The following CELF2 variants were observed in gnomAD, a reference collection of about 807,000 sequenced individuals.
The protein encoded by CELF2 is CUG triplet repeat RNA-binding protein 2.
In CELF2, 8 loss-of-function variants were observed where a neutral mutation model predicts 62.6. The observed-to-expected ratio is 0.13, with a 90% confidence interval of 0.07 to 0.23. CELF2 has a LOEUF of 0.23. Ranked by LOEUF, CELF2 falls within the 10% of genes least tolerant of loss-of-function variation. The pLI, the probability that CELF2 is intolerant of heterozygous loss-of-function variation, is 1.00. For synonymous variants in CELF2, 258 were observed against 250.0 expected, an observed-to-expected ratio of 1.03 and a Z score of -0.30; for missense variants, 333 against 671.0, an observed-to-expected ratio of 0.50 and a Z score of 5.56.
chr10:10,503,703 T>C, the CELF2 span, among the ~76,000 whole-genome samples: 1 of 152,026 alleles, frequency 6.6e-6, no homozygotes. Context: ...TTTAGATCAT[T>C]TACATTTAAT....
At chr10:11,133,304 T>A (rs2131922760) in intron 1 of CELF2, among the ~76,000 whole-genome samples, 1 of 152,330 alleles carries the variant, frequency 6.6e-6, no homozygotes, top group East Asian at 1.9e-4. Flanking sequence ...TACTTTAGAA[T>A]GGAATTCTTT....
At chr10:10,797,117 T>C (rs564134249), upstream of CELF2, among the ~76,000 whole-genome samples, 33 of 152,272 alleles carry the variant, frequency 2.2e-4, no homozygotes, top group Non-Finnish European at 4.3e-4. Context: ...TGGCAAAAAC[T>C]TCCTGACAGT....
chr10:10,467,713 T>G, the CELF2 span, among the ~76,000 whole-genome samples: 1 of 152,192 alleles, frequency 6.6e-6, no homozygotes, highest in South Asian at 2.1e-4. Flanking sequence ...AATTTTTCTG[T>G]TGTTCCTCAT....
chr10:10,881,072 A>G (rs1422371905), intron 1 of CELF2, among the ~76,000 whole-genome samples: 2 of 152,196 alleles, frequency 1.3e-5, no homozygotes, highest in Non-Finnish European at 2.9e-5. Context: ...ACTGTTTAAC[A>G]TGCATGTTTA....
chr10:10,655,006 G>A, the CELF2 span, among the ~76,000 whole-genome samples: 112 of 146,348 alleles, frequency 7.7e-4, no homozygotes, highest in Admixed American at 1.6e-3. Context: ...AAGCTGATAA[G>A]CAACTTCAGC....
At chr10:10,647,148 C>T in the CELF2 span, among the ~76,000 whole-genome samples, 66 of 152,276 alleles carry the variant, frequency 4.3e-4, no homozygotes, top group Middle Eastern at 0.01. Flanking sequence ...CACAGCCTAG[C>T]CCTTGCCCCT....
chr10:10,667,273 A>G, the CELF2 span, among the ~76,000 whole-genome samples: 1 of 152,206 alleles, frequency 6.6e-6, no homozygotes, highest in African/African-American at 2.4e-5. Context: ...TTTGGGGTCA[A>G]CTTTCTATTT....
At chr10:10,966,330 T>C (rs973996747) in intron 2 of CELF2, among the ~76,000 whole-genome samples, 3 of 152,234 alleles carry the variant, frequency 2.0e-5, no homozygotes, top group South Asian at 4.1e-4. Context: ...ATGAGTGTGG[T>C]ACAGTGGAGC....
the CELF2 span, among the ~76,000 whole-genome samples, chr10:10,526,873 C>T: frequency 6.6e-6 from 1 of 152,198 alleles, no homozygotes; most frequent in Non-Finnish European, 1.5e-5. Flanking sequence ...CCACTCAGAG[C>T]TGGACTTCTG....
At chr10:10,768,114 T>C in the CELF2 span, among the ~76,000 whole-genome samples, 29 of 143,416 alleles carry the variant, frequency 2.0e-4, no homozygotes, top group African/African-American at 7.1e-4. Flanking sequence ...TGCCATGAGC[T>C]GAGACCACGC....
chr10:11,234,391 T>A (rs1330418170), intron 3 of CELF2, among the ~76,000 whole-genome samples: 1 of 152,118 alleles, frequency 6.6e-6, no homozygotes, highest in Admixed American at 6.5e-5. Context: ...ATAAAAAAAA[T>A]TCAAGTTCTG....
At chr10:11,014,667 T>A (rs2056985656), upstream of CELF2, among the ~76,000 whole-genome samples, 1 of 152,118 alleles carries the variant, frequency 6.6e-6, no homozygotes, top group Non-Finnish European at 1.5e-5. Context: ...CTCAATGACC[T>A]GTGGACAAAA....
chr10:10,835,400 T>C (rs2058201331), intron 1 of CELF2, among the ~76,000 whole-genome samples: 1 of 142,834 alleles, frequency 7.0e-6, no homozygotes, highest in South Asian at 2.2e-4. Context: ...TTTTTTTTTC[T>C]GATATGAAGT....
the CELF2 span, among the ~76,000 whole-genome samples, chr10:10,630,306 G>A: frequency 1.1e-3 from 166 of 152,264 alleles, no homozygotes; most frequent in African/African-American, 3.8e-3. Context: ...TGTGAAGACC[G>A]TCCAACAGTC....
the CELF2 span, among the ~76,000 whole-genome samples, chr10:10,726,588 C>T: frequency 3.9e-5 from 6 of 152,256 alleles, no homozygotes; most frequent in East Asian, 1.2e-3. Flanking sequence ...TGTTTGGCTG[C>T]ACTGAACAGG....
At chr10:10,690,432 A>T in the CELF2 span, among the ~76,000 whole-genome samples, 15 of 152,342 alleles carry the variant, frequency 9.8e-5, no homozygotes, top group African/African-American at 3.1e-4. Context: ...GCACACACAT[A>T]GATTAAAATA....
At chr10:11,194,867 C>G (rs1194697901) in intron 2 of CELF2, among the ~76,000 whole-genome samples, 1 of 152,130 alleles carries the variant, frequency 6.6e-6, no homozygotes, top group East Asian at 1.9e-4. Flanking sequence ...TTTTATAGTA[C>G]CATCTGGGTT....
rs2074923317 is a variant in CELF2, at chr10:11,244,250, G to A, written c.355-4903G>A. 6.6e-6 allele frequency among the ~76,000 whole-genome samples: 1 copy of A among 152,266 alleles called. No homozygotes were observed. The highest frequency in any genetic ancestry group is 6.5e-5 in the Admixed American group (1 of 15,290). On this transcript the variant is annotated intron_variant, in intron 3 of 12. Transcript: ENST00000633077. This position sits in a 1 kb window ranked among gnomAD's most constrained non-coding sequence, Gnocchi z 4.2. ...CCTAGGGAAGATTTCATTCAGGAGT[G>A]AGTAGATGGGCATTGTTTCTTTTTA...
chr10:10,989,989 T>G (rs1056237464), intron 2 of CELF2, among the ~76,000 whole-genome samples: 2 of 152,132 alleles, frequency 1.3e-5, no homozygotes, highest in African/African-American at 4.8e-5. Context: ...CAAGCCACTC[T>G]TGTATATGGG....
Sources: allele counts gnomAD v4.1 joint callset (sites outside exome capture counted in the v4.1 genomes callset), GRCh38; gene constraint gnomAD v4.1.1; non-coding constraint Gnocchi (gnomAD v3.1); transcripts MANE v1.5; gene names NCBI Gene and HGNC (gene_info 2026-07-23, HGNC 2026-07-21).